The following TBCK variants were observed in gnomAD, a reference collection of about 807,000 sequenced individuals.
TBCK encodes the protein TBC1 domain containing kinase.
A neutral mutation model predicts 113.4 loss-of-function variants in TBCK; 99 were observed. The observed-to-expected ratio is 0.87, with a 90% CI of 0.74 to 1.03. TBCK has a LOEUF of 1.03. Ranked by LOEUF, TBCK falls within the 50% of genes least tolerant of loss-of-function variation. TBCK has a pLI of 0.00. For synonymous variants in TBCK, 369 were observed against 370.8 expected, an observed-to-expected ratio of 1.00 and a Z score of 0.05; for missense variants, 1,045 against 1,061.3, an observed-to-expected ratio of 0.98 and a Z score of 0.21.
intron 1 of TBCK, among the ~76,000 whole-genome samples, chr4:106,313,953 CATAA>C (rs1337086324): frequency 1.3e-5 from 2 of 152,318 alleles, no homozygotes; most frequent in African/African-American, 2.4e-5. Context: ...ACCTTGATAT[CATAA>C]ATAATCTCCT....
At chr4:106,117,824 C>T (rs1220719821) in intron 23 of TBCK, among the ~76,000 whole-genome samples, 1 of 151,836 alleles carries the variant, frequency 6.6e-6, no homozygotes, top group Non-Finnish European at 1.5e-5. Context: ...CCTGGCTAAA[C>T]CGGTGAAACC....
At chr4:106,247,110 T>C in intron 10 of TBCK, 29 bp downstream of exon 10, 1 of 1,596,756 alleles carries the variant, frequency 6.3e-7, no homozygotes, top group Non-Finnish European at 8.5e-7. Context: ...AAGGCTCATA[T>C]TATTCTCTAT....
intron 23 of TBCK, among the ~76,000 whole-genome samples, chr4:106,145,939 G>C (rs1747742404): frequency 6.6e-6 from 1 of 152,132 alleles, no homozygotes; most frequent in African/African-American, 2.4e-5. Context: ...CTTACACACT[G>C]TTTGTGGGAG....
At chr4:106,057,064 A>G (rs951203223) in intron 25 of TBCK, among the ~76,000 whole-genome samples, 1 of 151,792 alleles carries the variant, frequency 6.6e-6, no homozygotes, top group African/African-American at 2.4e-5. Flanking sequence ...TGAATCACAT[A>G]GTAACAGCAG....
rs536793993 is a variant in TBCK, at chr4:106,147,557, C to T, written c.2235+23538G>A. ...AAATTTCTTATGCCTGTCTTTACTGCAATCTCTAAACATAAATTGTGAAGA... is the reference window on the plus strand; with the variant it reads ...AAATTTCTTATGCCTGTCTTTACTGTAATCTCTAAACATAAATTGTGAAGA... On this transcript the variant is annotated intron_variant, in intron 23 of 25. Coordinates refer to ENST00000394708, the MANE Select transcript of TBCK (RefSeq NM_001163435.3). Among the ~76,000 whole-genome samples, 62 of 152,262 alleles carry T rather than the reference C, an allele frequency of 4.1e-4. No individual in the cohort carries two copies. The South Asian group carries it at 0.013, about 32-fold the overall frequency.
At chr4:106,060,004 A>G (rs998859759) in intron 25 of TBCK, among the ~76,000 whole-genome samples, 1 of 151,790 alleles carries the variant, frequency 6.6e-6, no homozygotes, top group African/African-American at 2.4e-5. Flanking sequence ...GCCAGGCCTT[A>G]GCTCTCCAAT....
chr4:106,268,638 T>C (rs945225856), intron 3 of TBCK, among the ~76,000 whole-genome samples: 1 of 152,108 alleles, frequency 6.6e-6, no homozygotes, highest in Non-Finnish European at 1.5e-5. Context: ...ACAACTCTTC[T>C]AGTCTTTTAT....
At chr4:106,268,098 A>G (rs569140137) in intron 3 of TBCK, among the ~76,000 whole-genome samples, 1 of 152,044 alleles carries the variant, frequency 6.6e-6, no homozygotes, top group Non-Finnish European at 1.5e-5. Context: ...GCTCATCAAG[A>G]CCTTGGGGTC....
intron 24 of TBCK, among the ~76,000 whole-genome samples, chr4:106,104,666 C>T (rs1389609267): frequency 1.3e-5 from 2 of 152,340 alleles, no homozygotes; most frequent in East Asian, 1.9e-4. Flanking sequence ...CTTTTTTAAG[C>T]GGGTTCTGAT....
chr4:106,215,027 C>G (rs959548315), intron 19 of TBCK, among the ~76,000 whole-genome samples: 1 of 150,658 alleles, frequency 6.6e-6, no homozygotes, highest in African/African-American at 2.5e-5. Context: ...TCGGCAGAAA[C>G]CCTACAAGCC....
chr4:106,291,877 A>G (rs1279194145), intron 3 of TBCK, among the ~76,000 whole-genome samples: 1 of 152,254 alleles, frequency 6.6e-6, no homozygotes, highest in Non-Finnish European at 1.5e-5. Flanking sequence ...GCTAGAATCA[A>G]TGAGTCACCA....
intron 25 of TBCK, among the ~76,000 whole-genome samples, chr4:106,092,345 TC>T (rs1004148660): frequency 3.3e-5 from 5 of 152,246 alleles, no homozygotes; most frequent in Admixed American, 3.3e-4. Context: ...ACCCAGTGGA[TC>T]CCACACTGGG....
chr4:106,293,242 C>G (rs1765911984), intron 3 of TBCK, among the ~76,000 whole-genome samples: 1 of 152,138 alleles, frequency 6.6e-6, no homozygotes, highest in Non-Finnish European at 1.5e-5. Flanking sequence ...TCCTTTTCAG[C>G]CTGCTTCCAT....
chr4:106,209,872 C>A (rs974605693), intron 20 of TBCK, among the ~76,000 whole-genome samples: 3 of 151,916 alleles, frequency 2.0e-5, no homozygotes, highest in Non-Finnish European at 4.4e-5. Flanking sequence ...ATCTGAAAAT[C>A]TCCTTTAATA....
chr4:106,164,175 C>G (rs1750107402), intron 23 of TBCK, among the ~76,000 whole-genome samples: 1 of 152,034 alleles, frequency 6.6e-6, no homozygotes, highest in Non-Finnish European at 1.5e-5. Context: ...TTGTGCCTAT[C>G]ATAATAGCTC....
intron 25 of TBCK, among the ~76,000 whole-genome samples, chr4:106,069,863 T>C (rs912910173): frequency 9.9e-5 from 15 of 152,258 alleles, no homozygotes; most frequent in African/African-American, 3.1e-4. Context: ...CCTTCACATC[T>C]CTTGTAAGTT....
chr4:106,185,108 A>G (rs573469900), intron 22 of TBCK, among the ~76,000 whole-genome samples: 2 of 152,104 alleles, frequency 1.3e-5, no homozygotes, highest in African/African-American at 4.8e-5. Flanking sequence ...CCTTGTTCCA[A>G]GTTCAATAAG....
rs1761052763 is a variant in TBCK, at chr4:106,248,277, C to G, written c.750G>C (p.Leu250Phe). The G allele has an allele frequency of 6.3e-7, 1 of 1,595,774 alleles. No individual in the cohort carries two copies. The highest frequency in any genetic ancestry group is 1.7e-5 in the Admixed American group (1 of 57,746). Residue 250 changes from leucine (L) to phenylalanine (F), a missense_variant, in exon 9 of 26, where the codon TTG becomes TTC. Transcript: ENST00000394708. ...AAGGATGGAAGGTAAGGCACTTATT[C>G]AAAAGATCTATCACAGTTTCAGGAA... Reference protein sequence around the residue: ...KELPETVIDLLNKCLTFHPSK... With the variant: ...KELPETVIDLFNKCLTFHPSK...
intron 22 of TBCK, among the ~76,000 whole-genome samples, chr4:106,175,562 G>A (rs1751571278): frequency 1.3e-5 from 2 of 151,864 alleles, no homozygotes; most frequent in Non-Finnish European, 2.9e-5. Flanking sequence ...GGAGGGGCCT[G>A]TATAACTATA....
Sources: gnomAD v4.1 joint callset for allele counts (sites outside exome capture counted in the v4.1 genomes callset) on GRCh38, gnomAD v4.1.1 for gene constraint, MANE v1.5 for transcripts, NCBI Gene and HGNC (gene_info 2026-07-23, HGNC 2026-07-21) for gene names.